The following EPHA8 variants were observed in gnomAD, a reference collection of about 807,000 sequenced individuals.
EPHA8 encodes the protein ephrin type-A receptor 8.
In EPHA8, 58 loss-of-function variants were observed where a neutral mutation model predicts 103.6. The observed-to-expected ratio is 0.56, with a 90% confidence interval of 0.45 to 0.70. EPHA8 has a LOEUF of 0.70. Among genes scored for constraint, EPHA8 ranks in the 30% least tolerant of loss-of-function variants. The pLI is 0.00. For missense variants in EPHA8, 1,304 were observed against 1,395.2 expected (o/e 0.93, Z 1.04); for synonymous variants, 559 against 572.5 (o/e 0.98, Z 0.34).
intron 14 of EPHA8, 25 bp downstream of exon 14, chr1:22,600,835 C>T (rs749333776): frequency 1.9e-4 from 308 of 1,590,934 alleles, no homozygotes; most frequent in Non-Finnish European, 2.4e-4. Context: ...CTGGCAGGTC[C>T]GCGGGCGGTG....
intron 3 of EPHA8, among the ~76,000 whole-genome samples, chr1:22,578,262 G>A (rs990773238): frequency 1.0e-4 from 15 of 148,368 alleles, no homozygotes; most frequent in South Asian, 2.2e-4. Context: ...CTGTATACCC[G>A]TGTGTGCATG....
intron 2 of EPHA8, among the ~76,000 whole-genome samples, chr1:22,572,527 G>T (rs1037333340): frequency 6.6e-6 from 1 of 152,306 alleles, no homozygotes; most frequent in African/African-American, 2.4e-5. Flanking sequence ...ATGCTGGGAC[G>T]TGCTCCGCCT....
At chr1:22,578,213 CGT>C (rs796258459) in intron 3 of EPHA8, among the ~76,000 whole-genome samples, 116 of 66,608 alleles carry the variant, frequency 1.7e-3, no homozygotes, top group African/African-American at 4.9e-3. Context: ...CGAGTGTGTG[CGT>C]GTGAGTGTGC....
At chr1:22,591,299 A>G (rs1426821416) in intron 5 of EPHA8, among the ~76,000 whole-genome samples, 1 of 152,034 alleles carries the variant, frequency 6.6e-6, no homozygotes, top group Non-Finnish European at 1.5e-5. Flanking sequence ...ATCACGGCTC[A>G]CTGCAGTCTT....
chr1:22,573,843 A>C (rs1441134952), intron 2 of EPHA8, among the ~76,000 whole-genome samples: 6 of 152,324 alleles, frequency 3.9e-5, no homozygotes, highest in Admixed American at 1.3e-4. Flanking sequence ...CCAGGTTGAC[A>C]GGTAAACTAC....
chr1:22,578,591 G>T (rs975988189), intron 3 of EPHA8, among the ~76,000 whole-genome samples: 8 of 143,116 alleles, frequency 5.6e-5, no homozygotes, highest in African/African-American at 2.0e-4. Context: ...GCATGAATGC[G>T]TGTGTGCATG....
chr1:22,601,559 GGCCCTGGCTGCGTGCGCGGCTCCCA>G, intron 16 of EPHA8, 43 bp from the exon 17 acceptor site: 5 of 1,592,998 alleles, frequency 3.1e-6, no homozygotes. Flanking sequence ...CCAGATCCAT[GGCCCTGGCTGCGTGCGCGGCTCCCA>G]GCCTCCCAGG....
At position 22,601,290 on chromosome 1, in the gene EPHA8, T is replaced by C. The variant is rs943011705; in HGVS notation, c.2730-10T>C. 2 of 1,590,886 alleles carry C rather than the reference T, an allele frequency of 1.3e-6. No homozygotes were observed. Among genetic ancestry groups the C allele is most frequent in the Non-Finnish European group, 1.7e-6 (2 of 1,172,840 alleles). ...CCTCTGGCCACTTACCAAGAGCCCC[T>C]GTGCCTCAGGTGCCCACCCCCTGCC... is the stretch of plus-strand genomic sequence containing the variant. On this transcript the variant is annotated splice_polypyrimidine_tract_variant and intron_variant, in intron 15 of 16. Coordinates refer to ENST00000166244, the MANE Select transcript of EPHA8 (RefSeq NM_020526.5).
Position 22,597,890 on chromosome 1 carries a change from C to G in EPHA8, c.2116+29C>G. On this transcript the variant is annotated intron_variant, in intron 11 of 16. Coordinates refer to ENST00000166244, the MANE Select transcript of EPHA8 (RefSeq NM_020526.5). The surrounding 1 kb of genome is among the most constrained non-coding windows in gnomAD (Gnocchi z 4.6). ...GGTGCCGGGCAAAGACAGCCTCCCC[C>G]TGCAGTGCCCCTCCTGCCTGGAGAG... 1.9e-6 allele frequency: 3 copies of G among 1,591,626 alleles called. No homozygotes were observed. Among genetic ancestry groups the G allele is most frequent in the Non-Finnish European group, 2.6e-6 (3 of 1,167,822 alleles).
chr1:22,601,856 A>C lies in EPHA8; in HGVS notation c.*115A>C. On this transcript the variant is annotated 3_prime_UTR_variant, in exon 17 of 17. Coordinates refer to ENST00000166244, the MANE Select transcript of EPHA8 (RefSeq NM_020526.5). ...GGCCCCAGGCCTCTGCCCTCCTCTCAGGTGCTGGAGGAGCTGAAGGCTTCG... is the reference window on the plus strand; with the variant it reads ...GGCCCCAGGCCTCTGCCCTCCTCTCCGGTGCTGGAGGAGCTGAAGGCTTCG... 1 of 993,228 alleles carries C rather than the reference A, an allele frequency of 1.0e-6. No homozygotes were observed. Among genetic ancestry groups the C allele is most frequent in the Non-Finnish European group, 1.5e-6 (1 of 674,188 alleles). 61.5% of individuals were successfully genotyped at this position (993,228 alleles called of 1,614,324 possible).
Position 22,601,424 on chromosome 1 carries a change from G to A in EPHA8, c.2854G>A (p.Ala952Thr), listed in dbSNP as rs746166476. ...CATGGGCCGGTACCGAGACCACTTC[G>A]CTGCGGGCGGATACTCCTCTCTGGG... The part of the protein sequence containing the change: ...IRMGRYRDHF[A>T]AGGYSSLGMV... Residue 952 changes from alanine (A) to threonine (T), a missense_variant, in exon 16 of 17, where the codon GCT (alanine) becomes ACT (threonine). Transcript: ENST00000166244. 1.2e-5 allele frequency: 19 copies of A among 1,610,964 alleles called. No homozygotes were observed. In the Middle Eastern group the frequency reaches 5.0e-4, roughly 42 times the overall value.
At chr1:22,574,151 T>C (rs948226717) in intron 2 of EPHA8, among the ~76,000 whole-genome samples, 2 of 152,214 alleles carry the variant, frequency 1.3e-5, no homozygotes, top group South Asian at 4.1e-4. Context: ...GCCAACTTTT[T>C]TGTATTTTTA....
chr1:22,580,160 C>T (rs1384748698), intron 3 of EPHA8, among the ~76,000 whole-genome samples: 2 of 66,812 alleles, frequency 3.0e-5, no homozygotes, highest in African/African-American at 5.5e-5. Flanking sequence ...TTTTTGGAGA[C>T]GGAGTTTTCA....
At position 22,578,226 on chromosome 1, in the gene EPHA8, ATGTG is replaced by A. The variant is rs760985251; in HGVS notation, c.823+1350_823+1353del. 3.1e-3 allele frequency among the ~76,000 whole-genome samples: 283 copies of A among 91,116 alleles called. 1 individual carries two copies. The highest frequency in any genetic ancestry group is 0.011 in the African/African-American group (252 of 22,718). The allele number at this position is 91,116 out of a possible 152,430, so 59.8% of individuals were successfully genotyped here. A position where few individuals can be genotyped will look rare whatever the true frequency, so the allele number is the denominator to read the frequency against. On this transcript the variant is annotated intron_variant, in intron 3 of 16. Transcript: ENST00000166244. ...TGCGAGTGTGTGCGTGTGAGTGTGC[ATGTG>A]TGTATGTGTGCATGTGTGTGTCTGT...
chr1:22,595,525 G>A (rs1003794354), intron 8 of EPHA8, among the ~76,000 whole-genome samples: 1 of 152,214 alleles, frequency 6.6e-6, no homozygotes, highest in Non-Finnish European at 1.5e-5. Flanking sequence ...GGGGATCAGA[G>A]AGGTTAGTCT....
In EPHA8 at chr1:22,589,739, A is replaced by G. The variant is rs1641325666; in HGVS notation, c.1315+533A>G. On this transcript the variant is annotated intron_variant, in intron 5 of 16. Transcript: ENST00000166244. The surrounding 1 kb of genome is among the most constrained non-coding windows in gnomAD (Gnocchi z 4.3). ...AGTTTCTGGCCAGTTGGTGGGCTGA[A>G]TTCACCCCCGGAACCTCTTTCTTCC... 1 of 969,828 alleles carries G rather than the reference A, an allele frequency of 1.0e-6. No individual in the cohort carries two copies. Among genetic ancestry groups the G allele is most frequent in the Non-Finnish European group, 1.2e-6 (1 of 810,178 alleles). The allele number at this position is 969,828 out of a possible 1,614,324, so 60.1% of individuals were successfully genotyped here. A position where few individuals can be genotyped will look rare whatever the true frequency, so the allele number is the denominator to read the frequency against.
Position 22,597,945 on chromosome 1 carries a change from G to T in EPHA8, c.2116+84G>T. 1.3e-6 allele frequency: 2 copies of T among 1,528,686 alleles called. No homozygotes were observed. Among genetic ancestry groups the T allele is most frequent in the South Asian group, 2.4e-5 (2 of 82,626 alleles). The allele number at this position is 1,528,686 out of a possible 1,614,324, so 94.7% of individuals were successfully genotyped here. ...CTGGGTCCATCCCCTCATCCATCCT[G>T]CTCTGCCCCACCTGACCCTGTCCTC... On this transcript the variant is annotated intron_variant, in intron 11 of 16. Coordinates refer to ENST00000166244, the MANE Select transcript of EPHA8 (RefSeq NM_020526.5). The surrounding 1 kb of genome is among the most constrained non-coding windows in gnomAD (Gnocchi z 4.6).
In EPHA8 at chr1:22,600,242, A is replaced by T. The variant is rs139545821; in HGVS notation, c.2389-419A>T. ...GAGGGAAAGAAGAAAGGAGGGAAGGAAGGACAGAAGGAGGAAGGAAGAAGG... is the reference window on the plus strand; with the variant it reads ...GAGGGAAAGAAGAAAGGAGGGAAGGTAGGACAGAAGGAGGAAGGAAGAAGG... On this transcript the variant is annotated intron_variant, in intron 13 of 16. Transcript: ENST00000166244. Among the ~76,000 whole-genome samples, 205 of 141,034 alleles carry T rather than the reference A, an allele frequency of 1.5e-3. 1 individual carries two copies. The highest frequency in any genetic ancestry group is 0.013 in the East Asian group (58 of 4,612). 92.5% of individuals were successfully genotyped at this position (141,034 alleles called of 152,430 possible). A position where few individuals can be genotyped will look rare whatever the true frequency, so the allele number is the denominator to read the frequency against.
intron 5 of EPHA8, 63 bp from the exon 6 acceptor site, chr1:22,593,263 G>T (rs1641420266): frequency 6.6e-7 from 1 of 1,526,620 alleles, no homozygotes; most frequent in African/African-American, 1.4e-5. Context: ...AACCTGGGAA[G>T]GGTTGGGAGA....
Sources: allele counts gnomAD v4.1 joint callset (sites outside exome capture counted in the v4.1 genomes callset), GRCh38; gene constraint gnomAD v4.1.1; non-coding constraint Gnocchi (gnomAD v3.1); transcripts MANE v1.5; gene names NCBI Gene and HGNC (gene_info 2026-07-23, HGNC 2026-07-21).